Variants in LDB2 observed in about 807,000 individuals in gnomAD.
The protein encoded by LDB2 is LIM domain-binding protein 2.
LDB2 carries 12 observed loss-of-function variants against 44.3 expected under a neutral mutation model. The observed-to-expected ratio is 0.27, with a 90% confidence interval of 0.17 to 0.44. The LOEUF is 0.44. Among genes scored for constraint, LDB2 ranks in the 20% least tolerant of loss-of-function variants. The pLI, the probability that LDB2 is intolerant of heterozygous loss-of-function variation, is 1.00. For synonymous variants in LDB2, 164 were observed against 174.8 expected (o/e 0.94, Z 0.49); for missense variants, 344 against 473.5 (o/e 0.73, Z 2.54).
At chr4:16,863,952 G>GC (rs1251914515) in intron 1 of LDB2, among the ~76,000 whole-genome samples, 13 of 152,162 alleles carry the variant, frequency 8.5e-5, no homozygotes, top group Non-Finnish European at 1.9e-4. Context: ...GAGCCACCGC[G>GC]CCTGGCACAT....
At chr4:16,859,062 A>G (rs988159303) in intron 1 of LDB2, among the ~76,000 whole-genome samples, 1 of 152,128 alleles carries the variant, frequency 6.6e-6, no homozygotes, top group African/African-American at 2.4e-5. Flanking sequence ...GCACTATACT[A>G]TGCTTCATTT....
chr4:16,745,690 G>T (rs1482027225), intron 2 of LDB2, among the ~76,000 whole-genome samples: 2 of 152,066 alleles, frequency 1.3e-5, no homozygotes, highest in Non-Finnish European at 2.9e-5. Context: ...AATGTCGAAG[G>T]GATTTCAGCA....
intron 7 of LDB2, chr4:16,506,152 A>T: frequency 3.3e-6 from 2 of 605,370 alleles, no homozygotes; most frequent in Non-Finnish European, 5.6e-6. Context: ...CCAGTAGAAT[A>T]GTGTTGATAA....
intron 1 of LDB2, among the ~76,000 whole-genome samples, chr4:16,892,837 A>C (rs1049807302): frequency 7.2e-5 from 11 of 152,220 alleles, no homozygotes; most frequent in Non-Finnish European, 1.5e-4. Flanking sequence ...TAGCGTTTAA[A>C]TCCTACATCA....
intron 1 of LDB2, among the ~76,000 whole-genome samples, chr4:16,774,003 A>AAAAAAAAAAAT (rs1299881074): frequency 6.6e-6 from 1 of 150,920 alleles, no homozygotes; most frequent in African/African-American, 2.4e-5. Context: ...AAATACAAAA[A>AAAAAAAAAAAT]AAATAGCTGG....
chr4:16,677,058 C>CTTAAGTGGGGAGAGGACAG (rs1459101151), intron 2 of LDB2, among the ~76,000 whole-genome samples: 1 of 152,178 alleles, frequency 6.6e-6, no homozygotes, highest in African/African-American at 2.4e-5. Flanking sequence ...CCTCAGTTCC[C>CTTAAGTGGGGAGAGGACAG]TTAAGTGGGG....
intron 1 of LDB2, among the ~76,000 whole-genome samples, chr4:16,766,869 G>A (rs1769441495): frequency 6.6e-6 from 1 of 151,954 alleles, no homozygotes; most frequent in South Asian, 2.1e-4. Flanking sequence ...ATAGATATGC[G>A]GTAATACATT....
intron 7 of LDB2, chr4:16,505,749 A>G: frequency 7.4e-7 from 1 of 1,347,632 alleles, no homozygotes; most frequent in Non-Finnish European, 9.9e-7. Context: ...CCACAAGGCC[A>G]ACTTCTGCTC....
At chr4:16,596,994 G>T (rs528928432) in intron 2 of LDB2, among the ~76,000 whole-genome samples, 30 of 152,186 alleles carry the variant, frequency 2.0e-4, no homozygotes, top group African/African-American at 7.0e-4. Context: ...CCCTTTGAAA[G>T]ACAAAAATAA....
At chr4:16,789,665 C>G (rs1775270067) in intron 1 of LDB2, among the ~76,000 whole-genome samples, 2 of 152,210 alleles carry the variant, frequency 1.3e-5, no homozygotes, top group African/African-American at 4.8e-5. Flanking sequence ...TGCAGTGGCT[C>G]ATGCCTGTAA....
intron 5 of LDB2, among the ~76,000 whole-genome samples, chr4:16,564,856 A>C (rs1464573281): frequency 6.6e-6 from 1 of 152,184 alleles, no homozygotes; most frequent in Non-Finnish European, 1.5e-5. Context: ...GTGCCATCCA[A>C]ATTGCTTTGG....
chr4:16,559,117 A>C (rs1719753545), intron 5 of LDB2, among the ~76,000 whole-genome samples: 1 of 152,260 alleles, frequency 6.6e-6, no homozygotes. Flanking sequence ...ATCATGCCAA[A>C]TTGTAAAGAC....
chr4:16,739,696 A>ACATATATGTGTATATATGTATATATG (rs1762781139), intron 2 of LDB2, among the ~76,000 whole-genome samples: 1 of 86,064 alleles, frequency 1.2e-5, no homozygotes. Context: ...ATGTATATAT[A>ACATATATGTGTATATATGTATATATG]CATATATGTG....
intron 4 of LDB2, among the ~76,000 whole-genome samples, chr4:16,586,580 TC>T (rs1717076297): frequency 6.0e-5 from 9 of 150,932 alleles, no homozygotes; most frequent in Admixed American, 5.9e-4. Context: ...ATTCTCACTC[TC>T]CTCCCCATTA....
chr4:16,533,317 C>T lies in LDB2; in HGVS notation c.616-21213G>A, dbSNP rs538628896. 6.6e-6 allele frequency among the ~76,000 whole-genome samples: 1 copy of T among 152,244 alleles called. No homozygotes were observed. The highest frequency in any genetic ancestry group is 1.9e-4 in the East Asian group (1 of 5,172). On this transcript the variant is annotated intron_variant, in intron 5 of 7. Transcript: ENST00000304523. This position sits in a 1 kb window ranked among gnomAD's most constrained non-coding sequence, Gnocchi z 4.1. ...TAGTCTGAGGTTAAGGATCCCACTTCTAAAGTTAAAAAACCATTCATGTCT... is the reference window on the plus strand; with the variant it reads ...TAGTCTGAGGTTAAGGATCCCACTTTTAAAGTTAAAAAACCATTCATGTCT...
intron 1 of LDB2, among the ~76,000 whole-genome samples, chr4:16,844,239 C>A (rs1027623669): frequency 7.2e-6 from 1 of 138,390 alleles, no homozygotes; most frequent in African/African-American, 2.8e-5. Flanking sequence ...CAGAGACACA[C>A]CCTGTCTCCA....
intron 1 of LDB2, among the ~76,000 whole-genome samples, chr4:16,833,746 T>C (rs977761591): frequency 1.3e-5 from 2 of 152,190 alleles, no homozygotes; most frequent in African/African-American, 4.8e-5. Flanking sequence ...TTTCAGCATG[T>C]TGTCCAGGAT....
At chr4:16,613,884 C>G (rs1335153410) in intron 2 of LDB2, among the ~76,000 whole-genome samples, 1 of 152,160 alleles carries the variant, frequency 6.6e-6, no homozygotes, top group Non-Finnish European at 1.5e-5. Context: ...CATCAAGCTA[C>G]ATTGACATTC....
intron 1 of LDB2, among the ~76,000 whole-genome samples, chr4:16,780,957 A>C (rs1337024740): frequency 1.3e-5 from 2 of 152,108 alleles, no homozygotes; most frequent in Non-Finnish European, 1.5e-5. Context: ...CATGTTTGTC[A>C]TCTTTCCACT....
Sources: allele counts gnomAD v4.1 joint callset (sites outside exome capture counted in the v4.1 genomes callset), GRCh38; gene constraint gnomAD v4.1.1; non-coding constraint Gnocchi (gnomAD v3.1); transcripts MANE v1.5; gene names NCBI Gene and HGNC (gene_info 2026-07-23, HGNC 2026-07-21).